The following SPMIP6 variants were observed in gnomAD, a reference collection of about 807,000 sequenced individuals.
The protein encoded by SPMIP6 is ciliated bronchial epithelial protein 1.
At chr9:34,383,204 G>T in the SPMIP6 span, among the ~76,000 whole-genome samples, 1 of 152,134 alleles carries the variant, frequency 6.6e-6, no homozygotes, top group Non-Finnish European at 1.5e-5. Flanking sequence ...AGGCTCTAAG[G>T]TTTGCCTATT....
the SPMIP6 span, among the ~76,000 whole-genome samples, chr9:34,388,343 G>A: frequency 6.6e-6 from 1 of 151,194 alleles, no homozygotes; most frequent in Non-Finnish European, 1.5e-5. Context: ...GTGGAGACGG[G>A]GTTTCACCAT....
the SPMIP6 span, among the ~76,000 whole-genome samples, chr9:34,386,990 G>C: frequency 2.6e-5 from 4 of 151,996 alleles, no homozygotes; most frequent in Admixed American, 6.5e-5. Context: ...GCAGTGAGGT[G>C]CTGGGACAGT....
the SPMIP6 span, chr9:34,397,782 C>T: frequency 1.3e-6 from 1 of 777,336 alleles, no homozygotes; most frequent in Non-Finnish European, 2.0e-6. Context: ...GATCTCTCAG[C>T]TTCCTTCCCC....
At chr9:34,391,704 T>C in the SPMIP6 span, among the ~76,000 whole-genome samples, 2 of 152,210 alleles carry the variant, frequency 1.3e-5, no homozygotes, top group African/African-American at 4.8e-5. Context: ...TGTAATTTTA[T>C]TACATTGAGG....
At chr9:34,383,760 A>G in the SPMIP6 span, among the ~76,000 whole-genome samples, 1 of 152,200 alleles carries the variant, frequency 6.6e-6, no homozygotes, top group African/African-American at 2.4e-5. Context: ...AATGGGGATA[A>G]TAGTACCATT....
chr9:34,379,127 AAC>A, the SPMIP6 span: 1 of 1,613,912 alleles, frequency 6.2e-7, no homozygotes, highest in Non-Finnish European at 8.5e-7. The surrounding 1 kb of genome is among the most constrained non-coding windows in gnomAD (Gnocchi z 4.2). Flanking sequence ...CAGGATGGAT[AAC>A]ATAGTTGTTT....
At chr9:34,379,877 C>T in the SPMIP6 span, 24 of 627,396 alleles carry the variant, frequency 3.8e-5, no homozygotes, top group Non-Finnish European at 6.0e-5. This position sits in a 1 kb window ranked among gnomAD's most constrained non-coding sequence, Gnocchi z 4.2. Flanking sequence ...CCCTTCAAAA[C>T]CCCCACTGCA....
chr9:34,382,624 G>A, the SPMIP6 span: 24 of 694,564 alleles, frequency 3.5e-5, no homozygotes, highest in African/African-American at 4.1e-4. Flanking sequence ...CACAGATGCG[G>A]AAGAGCTCTG....
At chr9:34,397,680 C>G in the SPMIP6 span, 3 of 1,532,510 alleles carry the variant, frequency 2.0e-6, no homozygotes, top group African/African-American at 2.8e-5. Context: ...GTCAAGGGCT[C>G]CTGCTGGACA....
At chr9:34,387,953 G>A in the SPMIP6 span, among the ~76,000 whole-genome samples, 1 of 152,158 alleles carries the variant, frequency 6.6e-6, no homozygotes, top group Non-Finnish European at 1.5e-5. Flanking sequence ...TAGTGCTGAA[G>A]ATTGCGCTGG....
chr9:34,396,617 C>T, the SPMIP6 span, among the ~76,000 whole-genome samples: 1 of 152,166 alleles, frequency 6.6e-6, no homozygotes, highest in Non-Finnish European at 1.5e-5. Flanking sequence ...AACTCTCCTG[C>T]TCTAACAGTT....
chr9:34,379,677 G>A, the SPMIP6 span: 1 of 1,614,182 alleles, frequency 6.2e-7, no homozygotes, highest in Admixed American at 1.7e-5. This position sits in a 1 kb window ranked among gnomAD's most constrained non-coding sequence, Gnocchi z 4.2. Flanking sequence ...TATGACGGCG[G>A]GGGAGTTGTA....
the SPMIP6 span, among the ~76,000 whole-genome samples, chr9:34,388,530 G>T: frequency 1.3e-5 from 2 of 152,120 alleles, no homozygotes; most frequent in East Asian, 3.8e-4. Flanking sequence ...GAGAAGACTA[G>T]GATTACCAGT....
the SPMIP6 span, among the ~76,000 whole-genome samples, chr9:34,388,813 T>C: frequency 1.3e-5 from 2 of 152,226 alleles, no homozygotes; most frequent in Admixed American, 6.5e-5. Context: ...TATAATTCTT[T>C]ATATATTCTG....
the SPMIP6 span, among the ~76,000 whole-genome samples, chr9:34,383,544 G>T: frequency 6.6e-6 from 1 of 152,198 alleles, no homozygotes; most frequent in East Asian, 1.9e-4. Context: ...TAAATAACTT[G>T]AATCTACTTC....
At chr9:34,384,805 G>A in the SPMIP6 span, among the ~76,000 whole-genome samples, 1 of 152,190 alleles carries the variant, frequency 6.6e-6, no homozygotes, top group East Asian at 1.9e-4. Flanking sequence ...TAAGGTATAA[G>A]AAAGGGTGAG....
the SPMIP6 span, chr9:34,385,675 G>T: frequency 1.2e-6 from 2 of 1,613,772 alleles, no homozygotes; most frequent in African/African-American, 2.7e-5. Context: ...AGGCAAGTAG[G>T]GGTGGCCTGA....
At chr9:34,394,633 G>A in the SPMIP6 span, among the ~76,000 whole-genome samples, 1 of 152,062 alleles carries the variant, frequency 6.6e-6, no homozygotes, top group African/African-American at 2.4e-5. Flanking sequence ...CTACACTGAG[G>A]ATGTTTACCG....
At chr9:34,383,845 A>G in the SPMIP6 span, among the ~76,000 whole-genome samples, 28 of 152,306 alleles carry the variant, frequency 1.8e-4, no homozygotes, top group African/African-American at 6.5e-4. Context: ...TGGCACATAA[A>G]AAACTATTAT....
Sources: allele counts gnomAD v4.1 joint callset (sites outside exome capture counted in the v4.1 genomes callset), GRCh38; gene constraint gnomAD v4.1.1; non-coding constraint Gnocchi (gnomAD v3.1); transcripts MANE v1.5; gene names NCBI Gene and HGNC (gene_info 2026-07-23, HGNC 2026-07-21).